PAOX: variants seen among roughly 807,000 people sequenced by gnomAD.
PAOX encodes polyamine oxidase.
In PAOX, 38 loss-of-function variants were observed where a neutral mutation model predicts 39.0. That is an observed-to-expected ratio of 0.97 (90% CI 0.75 to 1.28). The LOEUF (loss-of-function observed/expected upper bound fraction) is 1.28. PAOX is among the 50% of genes most tolerant of loss of function. PAOX has a pLI of 0.00. For synonymous variants in PAOX, 311 were observed against 314.4 expected, an observed-to-expected ratio of 0.99 and a Z score of 0.11; for missense variants, 667 against 685.7, an observed-to-expected ratio of 0.97 and a Z score of 0.30.
chr10:133,382,513 G>A (rs1849415505), intron 3 of PAOX, among the ~76,000 whole-genome samples: 1 of 152,218 alleles, frequency 6.6e-6, no homozygotes, highest in Admixed American at 6.5e-5. Flanking sequence ...TGGGCACGGT[G>A]GCTCACGCTT....
chr10:133,391,222 TG>T, intron 6 of PAOX, 89 bp from the exon 7 acceptor site: 1 of 1,330,118 alleles, frequency 7.5e-7, no homozygotes, highest in Non-Finnish European at 1.1e-6. Flanking sequence ...TGCTTCTTGG[TG>T]GATGCTTGTG....
At chr10:133,383,284 A>G (rs181705116) in intron 3 of PAOX, among the ~76,000 whole-genome samples, 23 of 152,288 alleles carry the variant, frequency 1.5e-4, no homozygotes, top group Non-Finnish European at 2.5e-4. Context: ...TTTCTATTTC[A>G]TGCAGTTTTA....
At position 133,380,246 on chromosome 10, in the gene PAOX, G is replaced by A. The variant is rs369333926; in HGVS notation, c.429G>A (p.Glu143=). 1.4e-5 allele frequency: 23 copies of A among 1,612,912 alleles called. No homozygotes were observed. The highest frequency in any genetic ancestry group is 1.9e-5 in the Non-Finnish European group (22 of 1,180,024). ...LFYGLIDQTR[E]FLHAAETPVP... ...ACGGCCTGATAGACCAGACCCGGGA[G>A]TTCCTGCACGCTGCAGAGACCCCGG... is the stretch of plus-strand genomic sequence containing the variant. The change falls in exon 2 of 7, where the codon GAG becomes GAA. Residue 143 remains glutamate, a synonymous_variant. Transcript: ENST00000278060.
Position 133,379,951 on chromosome 10 carries a change from C to G in PAOX, c.182-48C>G, listed in dbSNP as rs554384630. The G allele has an allele frequency of 2.7e-6, 4 of 1,502,772 alleles. 1 individual carries two copies. The South Asian group carries it at 5.4e-5, about 20-fold the overall frequency. 93.1% of individuals were successfully genotyped at this position (1,502,772 alleles called of 1,614,324 possible). A position where few individuals can be genotyped will look rare whatever the true frequency, so the allele number is the denominator to read the frequency against. ...GGCCCAGGAGAAGGGCTCGGGGTGA[C>G]CCTTCTAGGAAAGGGACCTCCAGGT... On this transcript the variant is annotated intron_variant, in intron 1 of 6. Transcript: ENST00000278060.
At chr10:133,385,623 C>T (rs181995196) in intron 4 of PAOX, among the ~76,000 whole-genome samples, 2 of 152,138 alleles carry the variant, frequency 1.3e-5, no homozygotes, top group South Asian at 4.2e-4. Context: ...TCGCTCTGTC[C>T]CCCAGACTGG....
intron 3 of PAOX, among the ~76,000 whole-genome samples, chr10:133,383,455 T>C (rs1849449010): frequency 1.3e-5 from 2 of 151,092 alleles, no homozygotes; most frequent in South Asian, 4.2e-4. Flanking sequence ...ATAGAAAAAT[T>C]AGCTGGGCCT....
At chr10:133,382,006 T>C (rs1299148861) in intron 3 of PAOX, among the ~76,000 whole-genome samples, 1 of 152,160 alleles carries the variant, frequency 6.6e-6, no homozygotes, top group Non-Finnish European at 1.5e-5. Flanking sequence ...GGTGACCTGT[T>C]GAAGGAGCCG....
At chr10:133,390,724 G>A (rs1849651957) in intron 6 of PAOX, 1 of 555,688 alleles carries the variant, frequency 1.8e-6, no homozygotes, top group Non-Finnish European at 3.2e-6. Context: ...GCTTGGAAAT[G>A]TTGCTTCTTG....
rs746588216 is a variant in PAOX, at chr10:133,389,018, C to T, written c.1184C>T (p.Ser395Leu). 1.5e-5 allele frequency: 24 copies of T among 1,614,004 alleles called. No individual in the cohort carries two copies. Among genetic ancestry groups the T allele is most frequent in the Middle Eastern group, 1.6e-4 (1 of 6,080 alleles). The change falls in exon 5 of 7, where the codon TCG (serine) becomes TTG (leucine). Residue 395 changes from serine (S) to leucine (L), a missense_variant. Ser to Leu is a moderately radical substitution (Grantham distance 145). Coordinates refer to ENST00000278060, the MANE Select transcript of PAOX (RefSeq NM_152911.4). ...GLESEFMETLSDEEVLLCLTQ... is the reference protein window; with the variant it reads ...GLESEFMETLLDEEVLLCLTQ... ...GAGTCTGAGTTCATGGAGACTCTGT[C>T]GGATGAAGAAGTACTTCTGTGTCTC...
chr10:133,381,990 G>T (rs1320266906), intron 3 of PAOX, among the ~76,000 whole-genome samples: 1 of 30,048 alleles, frequency 3.3e-5, no homozygotes, highest in African/African-American at 5.3e-5. Flanking sequence ...TGAAGGTCAG[G>T]CCTGGGGTGA....
intron 6 of PAOX, chr10:133,390,816 C>T (rs760607359): frequency 6.8e-6 from 4 of 586,266 alleles, no homozygotes; most frequent in Non-Finnish European, 1.2e-5. Flanking sequence ...CCACCCGACT[C>T]CCAGATCCCT....
intron 4 of PAOX, among the ~76,000 whole-genome samples, chr10:133,387,034 T>C (rs1849548458): frequency 1.3e-5 from 2 of 152,226 alleles, no homozygotes; most frequent in Admixed American, 1.3e-4. Context: ...ATTCCAGCAC[T>C]TTGGGAGGCC....
At chr10:133,383,817 G>T in intron 3 of PAOX, 143 bp from the exon 4 acceptor site, 1 of 1,105,444 alleles carries the variant, frequency 9.0e-7, no homozygotes, top group Non-Finnish European at 1.3e-6. Flanking sequence ...TCAAAAACAA[G>T]GACAAAAAAG....
At chr10:133,385,991 G>A (rs911043638) in intron 4 of PAOX, among the ~76,000 whole-genome samples, 2 of 151,394 alleles carry the variant, frequency 1.3e-5, no homozygotes, top group Non-Finnish European at 2.9e-5. Flanking sequence ...AATGAAGGGT[G>A]GCAGCAGTTT....
At chr10:133,388,137 AATAT>A in intron 4 of PAOX, among the ~76,000 whole-genome samples, 1 of 152,070 alleles carries the variant, frequency 6.6e-6, no homozygotes, top group Non-Finnish European at 1.5e-5. Context: ...TTTATTTTTT[AATAT>A]ATATATTTTA....
chr10:133,380,604 A>G (rs546105592), intron 2 of PAOX, 119 bp downstream of exon 2: 21 of 1,326,030 alleles, frequency 1.6e-5, no homozygotes, highest in East Asian at 5.1e-5. Flanking sequence ...TGTCCTCCCC[A>G]TTCCGACAGA....
At chr10:133,386,044 GTC>G (rs1185160365) in intron 4 of PAOX, among the ~76,000 whole-genome samples, 3 of 147,838 alleles carry the variant, frequency 2.0e-5, no homozygotes, top group African/African-American at 7.5e-5. Flanking sequence ...TTGAGACAAG[GTC>G]TCTCTGTCAC....
chr10:133,385,740 C>T (rs186530072), intron 4 of PAOX, among the ~76,000 whole-genome samples: 5 of 152,006 alleles, frequency 3.3e-5, no homozygotes, highest in African/African-American at 9.7e-5. Flanking sequence ...CCCACCACCA[C>T]GCCCGGCTAA....
At chr10:133,388,514 C>G (rs1448577257) in intron 4 of PAOX, among the ~76,000 whole-genome samples, 1 of 152,234 alleles carries the variant, frequency 6.6e-6, no homozygotes, top group Non-Finnish European at 1.5e-5. Flanking sequence ...GTGGTGGGAA[C>G]GCCTGTAGGC....
Sources: gnomAD v4.1 joint callset for allele counts (sites outside exome capture counted in the v4.1 genomes callset) on GRCh38, gnomAD v4.1.1 for gene constraint, MANE v1.5 for transcripts, NCBI Gene and HGNC (gene_info 2026-07-23, HGNC 2026-07-21) for gene names.